CREB5: variants seen among roughly 807,000 people sequenced by gnomAD.
The protein encoded by CREB5 is cAMP responsive element binding protein 5, also known as cyclic AMP-responsive element-binding protein 5.
A neutral mutation model predicts 57.1 loss-of-function variants in CREB5; 19 were observed. That is an observed-to-expected ratio of 0.33 (90% confidence interval 0.23 to 0.49). The LOEUF is 0.49. Among genes scored for constraint, CREB5 ranks in the 20% least tolerant of loss-of-function variants. The pLI is 0.99. For synonymous variants in CREB5, 238 were observed against 238.3 expected (o/e 1.00, Z 0.01); for missense variants, 579 against 671.6 (o/e 0.86, Z 1.52).
At chr7:28,741,228 A>G (rs924160753) in intron 7 of CREB5, among the ~76,000 whole-genome samples, 1 of 152,184 alleles carries the variant, frequency 6.6e-6, no homozygotes, top group Non-Finnish European at 1.5e-5. Context: ...TCAGAACTCA[A>G]AACACAGTTT....
intron 7 of CREB5, among the ~76,000 whole-genome samples, chr7:28,737,167 A>G (rs1340617535): frequency 6.6e-6 from 1 of 152,156 alleles, no homozygotes; most frequent in Non-Finnish European, 1.5e-5. Context: ...AATAATGTTA[A>G]TAATGACCAC....
chr7:28,649,006 T>G (rs1047661073), intron 5 of CREB5, among the ~76,000 whole-genome samples: 7 of 152,160 alleles, frequency 4.6e-5, no homozygotes, highest in Admixed American at 2.0e-4. Context: ...CATTAGGCAG[T>G]TACACCCCAC....
At chr7:28,709,279 A>G (rs1339787881) in intron 5 of CREB5, among the ~76,000 whole-genome samples, 1 of 152,178 alleles carries the variant, frequency 6.6e-6, no homozygotes, top group Non-Finnish European at 1.5e-5. Context: ...AAAGGTCTTT[A>G]TAAAAAGCCT....
At chr7:28,557,285 T>A (rs1462376229) in intron 4 of CREB5, among the ~76,000 whole-genome samples, 1 of 152,194 alleles carries the variant, frequency 6.6e-6, no homozygotes, top group Admixed American at 6.5e-5. Context: ...CAGTGGAATC[T>A]CACGGTACAA....
At chr7:28,542,124 G>A (rs1198499658) in intron 4 of CREB5, among the ~76,000 whole-genome samples, 2 of 152,192 alleles carry the variant, frequency 1.3e-5, no homozygotes. Flanking sequence ...TCTGTACTAA[G>A]CATTAACTGA....
At chr7:28,603,791 T>C (rs1797014504) in intron 5 of CREB5, among the ~76,000 whole-genome samples, 1 of 152,214 alleles carries the variant, frequency 6.6e-6, no homozygotes, top group Non-Finnish European at 1.5e-5. Context: ...GCTTTTAGTT[T>C]AGAAAACAGT....
intron 5 of CREB5, among the ~76,000 whole-genome samples, chr7:28,663,951 T>A (rs1799711564): frequency 6.6e-6 from 1 of 152,184 alleles, no homozygotes; most frequent in Non-Finnish European, 1.5e-5. Context: ...GGGAGAGTGT[T>A]ATAAGTGCTT....
intron 7 of CREB5, among the ~76,000 whole-genome samples, chr7:28,773,387 C>T (rs1806442671): frequency 6.6e-6 from 1 of 152,108 alleles, no homozygotes; most frequent in African/African-American, 2.4e-5. Context: ...AGTTGGTTTC[C>T]AGTTTTAGAG....
At chr7:28,582,397 T>C (rs915132942) in intron 5 of CREB5, among the ~76,000 whole-genome samples, 5 of 152,224 alleles carry the variant, frequency 3.3e-5, no homozygotes, top group African/African-American at 1.2e-4. Flanking sequence ...TAAGTCACAG[T>C]AGTGTATTGT....
At chr7:28,614,134 T>A (rs1376592855) in intron 5 of CREB5, among the ~76,000 whole-genome samples, 1 of 152,074 alleles carries the variant, frequency 6.6e-6, no homozygotes, top group African/African-American at 2.4e-5. Flanking sequence ...TAATTTTTTG[T>A]ATGTTTATAA....
chr7:28,691,670 C>A (rs1419468747), intron 5 of CREB5, among the ~76,000 whole-genome samples: 3 of 152,096 alleles, frequency 2.0e-5, no homozygotes, highest in African/African-American at 7.2e-5. Flanking sequence ...GAGTTCCATG[C>A]TGGGATCCCC....
At chr7:28,560,797 AGTGTGTGTGC>A (rs1795057389) in intron 4 of CREB5, among the ~76,000 whole-genome samples, 1 of 86,550 alleles carries the variant, frequency 1.2e-5, no homozygotes, top group African/African-American at 4.0e-5. Context: ...CTGCTTCCAC[AGTGTGTGTGC>A]GCGTGTGTGT....
chr7:28,373,938 G>C (rs1786768837), intron 1 of CREB5, among the ~76,000 whole-genome samples: 1 of 142,916 alleles, frequency 7.0e-6, no homozygotes. Flanking sequence ...TAACTTTCTA[G>C]TTTTATAAAC....
At chr7:28,552,632 A>G (rs1003629762) in intron 4 of CREB5, among the ~76,000 whole-genome samples, 2 of 152,164 alleles carry the variant, frequency 1.3e-5, no homozygotes, top group African/African-American at 4.8e-5. Flanking sequence ...TTTCAGCCAC[A>G]TGTCATGTTG....
At chr7:28,448,637 G>T (rs937698656) in intron 1 of CREB5, among the ~76,000 whole-genome samples, 3 of 152,230 alleles carry the variant, frequency 2.0e-5, no homozygotes, top group Non-Finnish European at 4.4e-5. Context: ...TCTTCAGGTA[G>T]CTTGGCTGGT....
At chr7:28,635,675 A>G (rs1183552453) in intron 5 of CREB5, among the ~76,000 whole-genome samples, 1 of 152,106 alleles carries the variant, frequency 6.6e-6, no homozygotes, top group African/African-American at 2.4e-5. Context: ...ACCATCATCT[A>G]TCTATGTTAA....
At chr7:28,381,391 C>T (rs1786963301) in intron 1 of CREB5, among the ~76,000 whole-genome samples, 1 of 152,110 alleles carries the variant, frequency 6.6e-6, no homozygotes. Flanking sequence ...GGGAAGGAAA[C>T]CAATGAGAGT....
intron 1 of CREB5, chr7:28,299,580 A>G (rs1441700561): frequency 2.0e-5 from 3 of 152,204 alleles, no homozygotes; most frequent in African/African-American, 2.4e-5. Context: ...TACAATACAG[A>G]TATGGAACAT....
At chr7:28,729,768 ACTAGGAAAGAAGTG>A (rs1204600712) in intron 7 of CREB5, among the ~76,000 whole-genome samples, 2 of 152,240 alleles carry the variant, frequency 1.3e-5, no homozygotes, top group Non-Finnish European at 2.9e-5. Context: ...AAGCTTTGTG[ACTAGGAAAGAAGTG>A]CTATTGACTT....
Sources: allele counts gnomAD v4.1 joint callset (sites outside exome capture counted in the v4.1 genomes callset), GRCh38; gene constraint gnomAD v4.1.1; transcripts MANE v1.5; gene names NCBI Gene and HGNC (gene_info 2026-07-23, HGNC 2026-07-21).